DGLUCY: variants seen among roughly 807,000 people sequenced by gnomAD.
DGLUCY encodes the protein D-glutamate cyclase.
In DGLUCY, 58 loss-of-function variants were observed where a neutral mutation model predicts 58.5. That is an observed-to-expected ratio of 0.99 (90% CI 0.80 to 1.23). The LOEUF (loss-of-function observed/expected upper bound fraction) is 1.23, where lower values mean the gene tolerates loss of function less well. Ranked by LOEUF, DGLUCY falls within the 50% of genes most tolerant of loss-of-function variation. DGLUCY has a pLI of 0.00. For missense variants in DGLUCY, 779 were observed against 784.7 expected, an observed-to-expected ratio of 0.99 and a Z score of 0.09; for synonymous variants, 325 against 314.1, an observed-to-expected ratio of 1.03 and a Z score of -0.37.
At chr14:91,223,271 G>A (rs931905683) in intron 13 of DGLUCY, among the ~76,000 whole-genome samples, 1 of 152,192 alleles carries the variant, frequency 6.6e-6, no homozygotes, top group South Asian at 2.1e-4. Flanking sequence ...ATTCACCACT[G>A]TATCCCTGGT....
At chr14:91,220,449 T>A (rs1422703648) in intron 13 of DGLUCY, 5 of 455,604 alleles carry the variant, frequency 1.1e-5, no homozygotes, top group Non-Finnish European at 2.2e-5. Flanking sequence ...TCAGTCAGGC[T>A]GGGGCAGGTG....
At chr14:91,087,968 G>C (rs899341612) in intron 1 of DGLUCY, among the ~76,000 whole-genome samples, 2 of 152,186 alleles carry the variant, frequency 1.3e-5, no homozygotes, top group Admixed American at 6.6e-5. Context: ...GACAGCCCAG[G>C]GATGGAGCCT....
intron 1 of DGLUCY, among the ~76,000 whole-genome samples, chr14:91,070,430 G>A (rs572599849): frequency 4.6e-5 from 7 of 152,146 alleles, no homozygotes; most frequent in Non-Finnish European, 8.8e-5. Flanking sequence ...TGAAGCAGCC[G>A]ATTGCCTCAA....
intron 1 of DGLUCY, among the ~76,000 whole-genome samples, chr14:91,125,277 G>T (rs1175637195): frequency 6.6e-6 from 1 of 152,154 alleles, no homozygotes; most frequent in Non-Finnish European, 1.5e-5. Context: ...TTTCTTTACG[G>T]CACCGGGGAA....
At chr14:91,195,565 C>T (rs2050148851) in intron 9 of DGLUCY, among the ~76,000 whole-genome samples, 1 of 151,662 alleles carries the variant, frequency 6.6e-6, no homozygotes, top group Non-Finnish European at 1.5e-5. Context: ...GAATTGGAGC[C>T]ATGAAACTGA....
At chr14:91,218,832 G>C (rs1325645995) in intron 13 of DGLUCY, among the ~76,000 whole-genome samples, 1 of 152,110 alleles carries the variant, frequency 6.6e-6, no homozygotes, top group Non-Finnish European at 1.5e-5. Context: ...GGTCCACTGG[G>C]GAGACGACAC....
chr14:91,073,908 GC>G (rs2043963918), intron 1 of DGLUCY, among the ~76,000 whole-genome samples: 1 of 151,452 alleles, frequency 6.6e-6, no homozygotes, highest in South Asian at 2.1e-4. Context: ...ATCGTGTGAG[GC>G]CAGGAGTTTA....
At position 91,173,282 on chromosome 14, in the gene DGLUCY, T is replaced by G. The variant is rs78584202; in HGVS notation, c.457-7T>G. The G allele has an allele frequency of 1.9e-6, 3 of 1,610,620 alleles. No homozygotes were observed. Among genetic ancestry groups the G allele is most frequent in the Non-Finnish European group, 2.5e-6 (3 of 1,179,234 alleles). On this transcript the variant is annotated splice_polypyrimidine_tract_variant and splice_region_variant and intron_variant, in intron 5 of 13. Transcript: ENST00000256324. Reference sequence around the variant, plus strand: ...TTTTCACTTGATTTTTTTTTTTTTTTGGTCAGACAACAGTGCCTTGTGTTA... The same window carrying G: ...TTTTCACTTGATTTTTTTTTTTTTTGGGTCAGACAACAGTGCCTTGTGTTA...
At chr14:91,120,803 C>A (rs1257566898) in intron 1 of DGLUCY, among the ~76,000 whole-genome samples, 1 of 152,208 alleles carries the variant, frequency 6.6e-6, no homozygotes, top group Non-Finnish European at 1.5e-5. Context: ...CTTCCAGTTC[C>A]TCAAATCAGC....
intron 13 of DGLUCY, chr14:91,215,789 T>G: frequency 3.0e-6 from 4 of 1,352,334 alleles, no homozygotes; most frequent in Non-Finnish European, 3.8e-6. Context: ...CTAGTTTGAC[T>G]TTGGGTGAGT....
At chr14:91,141,017 G>A (rs2046636289) in intron 1 of DGLUCY, among the ~76,000 whole-genome samples, 1 of 152,164 alleles carries the variant, frequency 6.6e-6, no homozygotes, top group African/African-American at 2.4e-5. Context: ...CTTAAGGCTG[G>A]TCATGATGGC....
At chr14:91,135,906 A>G (rs1394795891) in intron 1 of DGLUCY, among the ~76,000 whole-genome samples, 1 of 149,728 alleles carries the variant, frequency 6.7e-6, no homozygotes, top group Non-Finnish European at 1.5e-5. Context: ...GGTAATTCCA[A>G]CTTGGCTAGG....
In DGLUCY at chr14:91,188,906, T is replaced by G. The variant is rs1271153645; in HGVS notation, c.935-4T>G. 1 of 1,610,552 alleles carries G rather than the reference T, an allele frequency of 6.2e-7. No individual in the cohort carries two copies. The highest frequency in any genetic ancestry group is 1.7e-5 in the Admixed American group (1 of 59,304). ...ACTTTTACATTCTATTTTTGTCATT[T>G]CAGGGAACCGGGGGATTGGGCACCT... is the stretch of plus-strand genomic sequence containing the variant. On this transcript the variant is annotated splice_polypyrimidine_tract_variant and splice_region_variant and intron_variant, in intron 8 of 13. Coordinates refer to ENST00000256324, the MANE Select transcript of DGLUCY (RefSeq NM_001102368.3).
chr14:91,135,976 C>T lies in DGLUCY; in HGVS notation c.-81-21663C>T, dbSNP rs1032418913. Reference sequence around the variant, plus strand: ...TTGAGATAGAGTCTGGCTCTGTCGCCCAGGCTGGAGTGCAGTGCTGCAATC... The same window carrying T: ...TTGAGATAGAGTCTGGCTCTGTCGCTCAGGCTGGAGTGCAGTGCTGCAATC... On this transcript the variant is annotated intron_variant, in intron 1 of 13. Coordinates refer to ENST00000256324, the MANE Select transcript of DGLUCY (RefSeq NM_001102368.3). 2.1e-5 allele frequency among the ~76,000 whole-genome samples: 3 copies of T among 145,400 alleles called. No individual in the cohort carries two copies. The Admixed American group carries it at 2.1e-4, about 10-fold the overall frequency.
intron 2 of DGLUCY, among the ~76,000 whole-genome samples, chr14:91,159,919 G>A (rs1320163741): frequency 6.6e-6 from 1 of 152,178 alleles, no homozygotes; most frequent in Non-Finnish European, 1.5e-5. Flanking sequence ...GGAGTTCAGA[G>A]TCAAGTAGAA....
chr14:91,069,361 C>T (rs1386249408), intron 1 of DGLUCY, among the ~76,000 whole-genome samples: 1 of 152,136 alleles, frequency 6.6e-6, no homozygotes, highest in African/African-American at 2.4e-5. Context: ...CTGCAACCTC[C>T]ACCTTCCGGG....
intron 1 of DGLUCY, among the ~76,000 whole-genome samples, chr14:91,090,685 A>AT (rs1347122733): frequency 5.3e-5 from 8 of 152,112 alleles, no homozygotes; most frequent in Non-Finnish European, 1.2e-4. Flanking sequence ...CTCTGACCCT[A>AT]TTTGGTCACA....
chr14:91,224,705 T>C lies in DGLUCY; in HGVS notation c.1738T>C (p.Leu580=), dbSNP rs116271183. 4,073 of 1,606,104 alleles carry C rather than the reference T, an allele frequency of 2.5e-3. 13 individuals are homozygous for C. The highest frequency in any genetic ancestry group is 3.1e-3 in the Non-Finnish European group (3,582 of 1,173,748). Reference sequence around the variant, plus strand: ...CCAGGAAGAAAAAATGCTGGGCATCTTGGTGCAGCACAAAGTCCGGAGTGG... The same window carrying C: ...CCAGGAAGAAAAAATGCTGGGCATCCTGGTGCAGCACAAAGTCCGGAGTGG... ...VIKEEKMLGI[L]VQHKVRSGVS... Residue 580 remains leucine, a synonymous_variant, in exon 14 of 14, where the codon TTG becomes CTG. Transcript: ENST00000256324.
intron 12 of DGLUCY, among the ~76,000 whole-genome samples, chr14:91,205,820 T>C (rs1466547112): frequency 7.3e-6 from 1 of 136,850 alleles, no homozygotes; most frequent in Non-Finnish European, 1.6e-5. Flanking sequence ...CTCCTCCTCC[T>C]CCTCCTCCCT....
Sources: gnomAD v4.1 joint callset for allele counts (sites outside exome capture counted in the v4.1 genomes callset) on GRCh38, gnomAD v4.1.1 for gene constraint, MANE v1.5 for transcripts, NCBI Gene and HGNC (gene_info 2026-07-23, HGNC 2026-07-21) for gene names.